Variants in TNNI3K observed in about 807,000 individuals in gnomAD.
The protein encoded by TNNI3K is TNNI3 interacting kinase.
In TNNI3K, 140 loss-of-function variants were observed where a neutral mutation model predicts 114.5. The observed-to-expected ratio is 1.22, with a 90% CI of 1.07 to 1.41. The LOEUF (loss-of-function observed/expected upper bound fraction) is 1.41, where lower values mean the gene tolerates loss of function less well. TNNI3K is among the 40% of genes most tolerant of loss of function. The pLI is 0.00. For synonymous variants in TNNI3K, 347 were observed against 347.5 expected (o/e 1.00, Z 0.02); for missense variants, 1,125 against 1,007.6 (o/e 1.12, Z -1.58).
At chr1:74,395,210 C>A (rs536269029) in intron 17 of TNNI3K, among the ~76,000 whole-genome samples, 3 of 152,208 alleles carry the variant, frequency 2.0e-5, no homozygotes, top group South Asian at 4.2e-4. Context: ...GGTGCCTGAG[C>A]ATCAGACACC....
intron 2 of TNNI3K, among the ~76,000 whole-genome samples, chr1:74,247,509 C>T (rs909354598): frequency 2.0e-5 from 3 of 152,198 alleles, no homozygotes; most frequent in Non-Finnish European, 4.4e-5. Context: ...CTGGGGCAGC[C>T]TGCTTTTATT....
intron 17 of TNNI3K, among the ~76,000 whole-genome samples, chr1:74,412,724 C>A (rs1356608172): frequency 6.6e-6 from 1 of 152,136 alleles, no homozygotes; most frequent in Non-Finnish European, 1.5e-5. Flanking sequence ...CAGCAATTCT[C>A]GTCCCTCAGC....
chr1:74,268,998 T>G (rs972386055), intron 4 of TNNI3K, among the ~76,000 whole-genome samples: 2 of 151,926 alleles, frequency 1.3e-5, no homozygotes, highest in African/African-American at 4.8e-5. Flanking sequence ...AATCATTTAC[T>G]CAACATTGGC....
chr1:74,293,355 C>T (rs988167144), intron 5 of TNNI3K, among the ~76,000 whole-genome samples: 15 of 151,642 alleles, frequency 9.9e-5, no homozygotes, highest in Non-Finnish European at 2.1e-4. Context: ...GTTTTCCTTG[C>T]TGAAGCTTTA....
chr1:74,464,910 T>C (rs1244734177), intron 21 of TNNI3K: 25 of 1,289,250 alleles, frequency 1.9e-5, no homozygotes, highest in Non-Finnish European at 2.5e-5. Context: ...GTTGAGTAAA[T>C]GAATGAATAC....
intron 6 of TNNI3K, among the ~76,000 whole-genome samples, chr1:74,334,851 A>T (rs1220641567): frequency 6.6e-6 from 1 of 152,226 alleles, no homozygotes; most frequent in Non-Finnish European, 1.5e-5. Context: ...TTCAGAGAAG[A>T]TTCTGCATGA....
chr1:74,324,819 T>C (rs1253418639), intron 5 of TNNI3K, among the ~76,000 whole-genome samples: 1 of 152,172 alleles, frequency 6.6e-6, no homozygotes, highest in Non-Finnish European at 1.5e-5. Context: ...AAGCAGGCAC[T>C]AGCTCTGTGG....
chr1:74,336,399 T>C (rs1351792380), intron 7 of TNNI3K, among the ~76,000 whole-genome samples: 1 of 152,154 alleles, frequency 6.6e-6, no homozygotes, highest in East Asian at 1.9e-4. Context: ...GTGCACAACA[T>C]GCAGGTTAGT....
chr1:74,478,861 T>C (rs1249603569), intron 21 of TNNI3K, among the ~76,000 whole-genome samples: 1 of 152,170 alleles, frequency 6.6e-6, no homozygotes, highest in Non-Finnish European at 1.5e-5. Flanking sequence ...ATGTCTTTTA[T>C]GGTAAATTAT....
chr1:74,314,927 A>G (rs558796049), intron 5 of TNNI3K, among the ~76,000 whole-genome samples: 1 of 152,238 alleles, frequency 6.6e-6, no homozygotes, highest in Non-Finnish European at 1.5e-5. Context: ...AAGAAAAGCA[A>G]TTTGAAACTT....
chr1:74,397,882 A>C (rs1664166673), intron 17 of TNNI3K, among the ~76,000 whole-genome samples: 1 of 152,270 alleles, frequency 6.6e-6, no homozygotes, highest in Admixed American at 6.5e-5. Flanking sequence ...TAGGCCCTAA[A>C]GCTCCTAGAA....
At chr1:74,355,731 G>A (rs192854645) in intron 11 of TNNI3K, among the ~76,000 whole-genome samples, 95 of 152,234 alleles carry the variant, frequency 6.2e-4, no homozygotes, top group Admixed American at 3.8e-3. Context: ...TGCAGTAAGC[G>A]TATAGACAAG....
chr1:74,430,501 G>A (rs1282711227), intron 17 of TNNI3K, among the ~76,000 whole-genome samples: 1 of 152,020 alleles, frequency 6.6e-6, no homozygotes, highest in Non-Finnish European at 1.5e-5. Context: ...ATTCATGTCT[G>A]AATGTGAACC....
At chr1:74,303,824 G>A (rs546178353) in intron 5 of TNNI3K, among the ~76,000 whole-genome samples, 3 of 152,262 alleles carry the variant, frequency 2.0e-5, no homozygotes, top group Admixed American at 6.5e-5. Flanking sequence ...CATGGGAGGA[G>A]GTCAAAATAC....
intron 5 of TNNI3K, among the ~76,000 whole-genome samples, chr1:74,300,140 A>C (rs1436762391): frequency 1.3e-5 from 2 of 152,182 alleles, no homozygotes; most frequent in South Asian, 2.1e-4. Flanking sequence ...TTCAAGAAGC[A>C]GAAATCTAAG....
chr1:74,385,973 G>A (rs886353089), intron 17 of TNNI3K, among the ~76,000 whole-genome samples: 1 of 152,220 alleles, frequency 6.6e-6, no homozygotes, highest in African/African-American at 2.4e-5. Flanking sequence ...TCGTGGGAGG[G>A]ACCCAGTGGG....
intron 20 of TNNI3K, among the ~76,000 whole-genome samples, chr1:74,460,770 C>T (rs560544310): frequency 6.6e-6 from 1 of 152,338 alleles, no homozygotes; most frequent in Admixed American, 6.5e-5. Flanking sequence ...TAATGAGTAG[C>T]ATCACTGCCA....
At chr1:74,326,383 A>G (rs1659905169) in intron 5 of TNNI3K, among the ~76,000 whole-genome samples, 2 of 152,210 alleles carry the variant, frequency 1.3e-5, no homozygotes, top group Admixed American at 6.5e-5. Flanking sequence ...AAATGGAACC[A>G]AGTCAAATAA....
At position 74,540,285 on chromosome 1, in the gene TNNI3K, T is replaced by C. The variant is rs1393130058; in HGVS notation, c.2403T>C (p.Ser801=). 2.5e-5 allele frequency: 40 copies of C among 1,612,572 alleles called. No individual in the cohort carries two copies. Among genetic ancestry groups the C allele is most frequent in the Non-Finnish European group, 3.3e-5 (39 of 1,179,184 alleles). ...TGTCTTTGGAGGAGATGAAAAGAAG[T>C]CTTCAATACACACCCATTGACAAAT... ...QGLSLEEMKR[S]LQYTPIDKYG... The change falls in exon 24 of 25, where the codon AGT becomes AGC. Residue 801 remains serine (S), a synonymous_variant. Transcript: ENST00000326637.
Sources: gnomAD v4.1 joint callset for allele counts (sites outside exome capture counted in the v4.1 genomes callset) on GRCh38, gnomAD v4.1.1 for gene constraint, MANE v1.5 for transcripts, NCBI Gene and HGNC (gene_info 2026-07-23, HGNC 2026-07-21) for gene names.